Variants in SGCZ observed in about 807,000 individuals in gnomAD.
SGCZ encodes sarcoglycan zeta.
In SGCZ, 40 loss-of-function variants were observed where a neutral mutation model predicts 41.3. The ratio of observed to expected loss-of-function variants is 0.97; its 90% CI spans 0.75 to 1.26. SGCZ has a LOEUF of 1.26. SGCZ is among the 50% of genes most tolerant of loss of function. SGCZ has a pLI of 0.00. For synonymous variants in SGCZ, 206 were observed against 137.5 expected (o/e 1.50, Z -3.49); for missense variants, 552 against 369.8 (o/e 1.49, Z -4.04).
chr8:15,012,645 TATATATA>T (rs60777894), intron 1 of SGCZ, among the ~76,000 whole-genome samples: 49 of 120,874 alleles, frequency 4.1e-4, no homozygotes, highest in African/African-American at 1.3e-3. Flanking sequence ...CATATAAAAC[TATATATA>T]ATATATAATA....
intron 3 of SGCZ, among the ~76,000 whole-genome samples, chr8:14,300,168 C>T (rs757994290): frequency 1.3e-4 from 19 of 151,480 alleles, no homozygotes; most frequent in African/African-American, 3.9e-4. Flanking sequence ...TTATGAATTA[C>T]ATGTCAAAGT....
chr8:14,333,689 C>G (rs1585375793), intron 2 of SGCZ, among the ~76,000 whole-genome samples: 1 of 152,098 alleles, frequency 6.6e-6, no homozygotes. Context: ...AATGGGTCCT[C>G]CCCTCACATA....
intron 2 of SGCZ, among the ~76,000 whole-genome samples, chr8:14,504,307 A>G (rs1208787521): frequency 1.3e-5 from 2 of 152,206 alleles, no homozygotes; most frequent in Non-Finnish European, 2.9e-5. Context: ...CTTTTTTAAT[A>G]TTCAATCTTT....
At chr8:14,184,484 G>A (rs781134275) in intron 4 of SGCZ, among the ~76,000 whole-genome samples, 1 of 152,094 alleles carries the variant, frequency 6.6e-6, no homozygotes, top group Admixed American at 6.5e-5. Context: ...AATGATAAAT[G>A]TATTGAAATG....
At chr8:14,896,899 G>T (rs1805221456) in intron 1 of SGCZ, among the ~76,000 whole-genome samples, 1 of 151,916 alleles carries the variant, frequency 6.6e-6, no homozygotes, top group Non-Finnish European at 1.5e-5. Context: ...TCCCGCCTCA[G>T]CCCTCCTGAG....
intron 1 of SGCZ, among the ~76,000 whole-genome samples, chr8:15,168,915 G>T (rs773560793): frequency 3.3e-5 from 5 of 152,174 alleles, no homozygotes; most frequent in Non-Finnish European, 7.3e-5. Context: ...GCTGGCAAAA[G>T]GCTGAAGTTT....
Position 14,920,086 on chromosome 8 carries a change from C to T in SGCZ, c.39+317499G>A, listed in dbSNP as rs569835726. Among the ~76,000 whole-genome samples, 263 of 152,258 alleles carry T rather than the reference C, an allele frequency of 1.7e-3. 2 individuals carry two copies. The highest frequency in any genetic ancestry group is 2.7e-3 in the Non-Finnish European group (183 of 68,026). The stretch of plus-strand genomic sequence containing the variant: ...TGTAAATGGTAAATAATCAGACTAA[C>T]TGCCATTTATCTGGGCTGCTTTGGG... On this transcript the variant is annotated intron_variant, in intron 1 of 7. Transcript: ENST00000382080.
chr8:14,620,999 T>C (rs1035896611), intron 1 of SGCZ, among the ~76,000 whole-genome samples: 6 of 152,090 alleles, frequency 3.9e-5, no homozygotes, highest in East Asian at 1.9e-4. Context: ...CATATGTTTA[T>C]TGCAGCGCTA....
intron 1 of SGCZ, among the ~76,000 whole-genome samples, chr8:14,634,363 A>AT (rs993553661): frequency 9.9e-5 from 15 of 151,446 alleles, no homozygotes; most frequent in Admixed American, 3.3e-4. Context: ...TTTATTTTGT[A>AT]TTTTTTTTGT....
rs186049164 is a variant in SGCZ, at chr8:14,235,701, T to C, written c.424+1891A>G. Reference sequence around the variant, plus strand: ...CTTGGTGCACTTAATTTACGTTTTTTTGAGACAGAGTCTCACTCTATTCCC... The same window carrying C: ...CTTGGTGCACTTAATTTACGTTTTTCTGAGACAGAGTCTCACTCTATTCCC... On this transcript the variant is annotated intron_variant, in intron 4 of 7. Coordinates refer to ENST00000382080, the MANE Select transcript of SGCZ (RefSeq NM_139167.4). Among the ~76,000 whole-genome samples the C allele has an allele frequency of 4.6e-5, 7 of 152,292 alleles. No homozygotes were observed. The East Asian group carries it at 5.8e-4, about 13-fold the overall frequency.
intron 1 of SGCZ, among the ~76,000 whole-genome samples, chr8:15,093,919 G>A (rs1429092746): frequency 3.3e-5 from 5 of 152,000 alleles, no homozygotes; most frequent in African/African-American, 4.8e-5. Flanking sequence ...TTCTACAGCC[G>A]GGTTCTTCTA....
chr8:14,928,673 C>A (rs1225973581), intron 1 of SGCZ, among the ~76,000 whole-genome samples: 2 of 152,006 alleles, frequency 1.3e-5, no homozygotes, highest in African/African-American at 4.8e-5. Context: ...TCCATTGTAT[C>A]TTTGTTAAGA....
At chr8:14,769,922 A>G (rs1168192469) in intron 1 of SGCZ, among the ~76,000 whole-genome samples, 1 of 151,284 alleles carries the variant, frequency 6.6e-6, no homozygotes, top group Non-Finnish European at 1.5e-5. Context: ...GGTATGCTGC[A>G]GGCATAAAGA....
At chr8:14,536,768 T>G (rs1354333737) in intron 2 of SGCZ, among the ~76,000 whole-genome samples, 1 of 149,092 alleles carries the variant, frequency 6.7e-6, no homozygotes, top group Non-Finnish European at 1.5e-5. Flanking sequence ...GGCTTTCCAT[T>G]TTTTTCCCAT....
intron 1 of SGCZ, among the ~76,000 whole-genome samples, chr8:14,827,392 A>G (rs1802371044): frequency 6.6e-6 from 1 of 151,910 alleles, no homozygotes; most frequent in Non-Finnish European, 1.5e-5. Context: ...ATGCACCACC[A>G]TGCCCAGCTA....
intron 1 of SGCZ, among the ~76,000 whole-genome samples, chr8:14,891,580 G>C (rs1563343033): frequency 6.6e-6 from 1 of 152,160 alleles, no homozygotes; most frequent in Non-Finnish European, 1.5e-5. Flanking sequence ...TGTGAACATT[G>C]TTAAAATGAC....
At chr8:14,097,250 C>T (rs1801874361) in intron 7 of SGCZ, among the ~76,000 whole-genome samples, 1 of 152,216 alleles carries the variant, frequency 6.6e-6, no homozygotes, top group Admixed American at 6.5e-5. Context: ...AAATTTCCCT[C>T]TACACAGTGC....
chr8:14,786,854 A>C (rs956997096), intron 1 of SGCZ, among the ~76,000 whole-genome samples: 8 of 151,558 alleles, frequency 5.3e-5, no homozygotes, highest in African/African-American at 1.9e-4. Flanking sequence ...AAAAAAAACA[A>C]AAAACACATA....
At chr8:14,576,110 C>T (rs887075022) in intron 1 of SGCZ, among the ~76,000 whole-genome samples, 3 of 152,050 alleles carry the variant, frequency 2.0e-5, no homozygotes, top group African/African-American at 4.8e-5. Context: ...AATGTATTTC[C>T]GGACAGTAAT....
Sources: allele counts gnomAD v4.1 joint callset (sites outside exome capture counted in the v4.1 genomes callset), GRCh38; gene constraint gnomAD v4.1.1; transcripts MANE v1.5; gene names NCBI Gene and HGNC (gene_info 2026-07-23, HGNC 2026-07-21).